GNAQ: variants seen among roughly 807,000 people sequenced by gnomAD.
GNAQ encodes guanine nucleotide-binding protein G(q) subunit alpha.
A neutral mutation model predicts 43.9 loss-of-function variants in GNAQ; 8 were observed. The observed-to-expected ratio is 0.18, with a 90% CI of 0.11 to 0.33. GNAQ has a LOEUF of 0.33. Ranked by LOEUF, GNAQ falls within the 10% of genes least tolerant of loss-of-function variation. The pLI is 1.00. For synonymous variants in GNAQ, 155 were observed against 170.7 expected (o/e 0.91, Z 0.71); for missense variants, 158 against 450.8 (o/e 0.35, Z 5.88).
At chr9:77,964,808 A>G (rs1260486907) in intron 1 of GNAQ, among the ~76,000 whole-genome samples, 1 of 152,178 alleles carries the variant, frequency 6.6e-6, no homozygotes, top group Non-Finnish European at 1.5e-5. Flanking sequence ...AGAGGTAAAT[A>G]GGTAGTACCA....
chr9:77,772,293 C>G (rs565848850), intron 5 of GNAQ, among the ~76,000 whole-genome samples: 1 of 152,266 alleles, frequency 6.6e-6, no homozygotes, highest in African/African-American at 2.4e-5. Flanking sequence ...AGATGCTGCT[C>G]ATGACCCCAT....
At chr9:77,744,871 C>T (rs1311799381) in intron 5 of GNAQ, among the ~76,000 whole-genome samples, 3 of 151,918 alleles carry the variant, frequency 2.0e-5, no homozygotes, top group South Asian at 2.1e-4. Context: ...TTCTGTTCCC[C>T]GAGACCCCAA....
intron 5 of GNAQ, among the ~76,000 whole-genome samples, chr9:77,776,674 G>A (rs1826310432): frequency 6.6e-6 from 1 of 152,050 alleles, no homozygotes; most frequent in Admixed American, 6.5e-5. Context: ...ATAATGTATA[G>A]AACAAAAAGG....
rs528879734 is a variant in GNAQ, at chr9:77,790,337, A to G, written c.735+4126T>C. 7.7e-4 allele frequency among the ~76,000 whole-genome samples: 117 copies of G among 152,334 alleles called. 1 individual carries two copies. The highest frequency in any genetic ancestry group is 3.2e-3 in the Admixed American group (49 of 15,302). On this transcript the variant is annotated intron_variant, in intron 5 of 6. Coordinates refer to ENST00000286548, the MANE Select transcript of GNAQ (RefSeq NM_002072.5). ...GAATGTTATCTGAAGAAAATTCCCA[A>G]AAGCTCACTCAACAATTTTTAGAGC...
intron 1 of GNAQ, among the ~76,000 whole-genome samples, chr9:77,925,140 C>A (rs986006072): frequency 2.0e-5 from 3 of 152,048 alleles, no homozygotes; most frequent in Non-Finnish European, 2.9e-5. Context: ...GGTTACTGCA[C>A]CAGCTCTTAC....
chr9:77,746,763 T>C (rs1825736879), intron 5 of GNAQ, among the ~76,000 whole-genome samples: 1 of 152,136 alleles, frequency 6.6e-6, no homozygotes, highest in Non-Finnish European at 1.5e-5. Flanking sequence ...GCATGATTTT[T>C]ACCTACCATA....
At chr9:77,889,740 G>T (rs1438455477) in intron 2 of GNAQ, among the ~76,000 whole-genome samples, 1 of 152,070 alleles carries the variant, frequency 6.6e-6, no homozygotes, top group Non-Finnish European at 1.5e-5. Flanking sequence ...TATTCAATTA[G>T]TATGCTTCTC....
intron 5 of GNAQ, among the ~76,000 whole-genome samples, chr9:77,779,361 G>A (rs182004850): frequency 1.3e-5 from 2 of 151,698 alleles, no homozygotes; most frequent in Admixed American, 6.6e-5. Flanking sequence ...TGAACTAAAC[G>A]AAAAATTAAA....
chr9:77,986,803 CT>C (rs56978328), intron 1 of GNAQ, among the ~76,000 whole-genome samples: 4,555 of 123,530 alleles, frequency 0.037, 84 homozygotes, highest in African/African-American at 0.064. Context: ...GCACCTGGCC[CT>C]TTTTTTTTTT....
chr9:77,794,667 T>G, intron 4 of GNAQ, 75 bp from the exon 5 acceptor site: 1 of 788,936 alleles, frequency 1.3e-6, no homozygotes, highest in Non-Finnish European at 2.0e-6. Flanking sequence ...TAGCACTACT[T>G]ACAAACTTAG....
intron 5 of GNAQ, among the ~76,000 whole-genome samples, chr9:77,728,902 C>T (rs1447694672): frequency 6.6e-6 from 1 of 152,088 alleles, no homozygotes; most frequent in African/African-American, 2.4e-5. Flanking sequence ...TAAAAATCAG[C>T]TAAAATAGCT....
intron 1 of GNAQ, among the ~76,000 whole-genome samples, chr9:77,940,497 T>C (rs1407963265): frequency 1.3e-5 from 2 of 152,132 alleles, no homozygotes; most frequent in Admixed American, 6.5e-5. Context: ...GAGGATCACT[T>C]GAGCCTGGGA....
intron 1 of GNAQ, among the ~76,000 whole-genome samples, chr9:77,952,600 AAAGTT>A (rs1347212137): frequency 6.6e-6 from 1 of 152,228 alleles, no homozygotes; most frequent in Non-Finnish European, 1.5e-5. Flanking sequence ...ATTGCAGAAA[AAAGTT>A]AAGTTTTAGC....
At chr9:77,774,096 C>T (rs1246092677) in intron 5 of GNAQ, among the ~76,000 whole-genome samples, 1 of 151,946 alleles carries the variant, frequency 6.6e-6, no homozygotes, top group Non-Finnish European at 1.5e-5. Context: ...GGCTTTGAGA[C>T]CACAGCATTT....
chr9:77,721,546 TA>T, intron 6 of GNAQ, 33 bp from the exon 7 acceptor site: 2 of 1,281,780 alleles, frequency 1.6e-6, no homozygotes, highest in Non-Finnish European at 2.2e-6. Flanking sequence ...GACACTTTGT[TA>T]CCTAATCTGC....
intron 5 of GNAQ, among the ~76,000 whole-genome samples, chr9:77,759,682 A>C (rs970276404): frequency 1.3e-5 from 2 of 152,154 alleles, no homozygotes; most frequent in Non-Finnish European, 2.9e-5. Flanking sequence ...TAACTTGTGA[A>C]AAGGCCAGAC....
rs146986430 is a variant in GNAQ, at chr9:77,884,246, C to G, written c.321+37915G>C. On this transcript the variant is annotated intron_variant, in intron 2 of 6. Coordinates refer to ENST00000286548, the MANE Select transcript of GNAQ (RefSeq NM_002072.5). ...TGACTCCTCCAGCACTTGCTTCTGGCAAGCCCCTGTGGGGGTGTGAAGGCT... is the reference window on the plus strand; with the variant it reads ...TGACTCCTCCAGCACTTGCTTCTGGGAAGCCCCTGTGGGGGTGTGAAGGCT... 2.6e-5 allele frequency among the ~76,000 whole-genome samples: 4 copies of G among 152,324 alleles called. No individual in the cohort carries two copies. The East Asian group carries it at 7.7e-4, about 29-fold the overall frequency.
At chr9:77,899,581 T>G (rs541343315) in intron 2 of GNAQ, among the ~76,000 whole-genome samples, 1 of 150,054 alleles carries the variant, frequency 6.7e-6, no homozygotes, top group South Asian at 2.1e-4. Context: ...ATGGACTACA[T>G]GACTAGGAAA....
At chr9:78,020,299 A>T (rs543490161) in intron 1 of GNAQ, among the ~76,000 whole-genome samples, 1 of 152,272 alleles carries the variant, frequency 6.6e-6, no homozygotes, top group African/African-American at 2.4e-5. Context: ...TAATAGATGC[A>T]TTTCTATCAC....
Sources: gnomAD v4.1 joint callset for allele counts (sites outside exome capture counted in the v4.1 genomes callset) on GRCh38, gnomAD v4.1.1 for gene constraint, MANE v1.5 for transcripts, NCBI Gene and HGNC (gene_info 2026-07-23, HGNC 2026-07-21) for gene names.